Variants in TRPC7 observed in about 807,000 individuals in gnomAD.
TRPC7 encodes short transient receptor potential channel 7.
Under a neutral mutation model 90.1 loss-of-function variants are expected in TRPC7, and 42 were observed. The ratio of observed to expected loss-of-function variants is 0.47; its 90% CI spans 0.36 to 0.60. The LOEUF is 0.60. Among genes scored for constraint, TRPC7 ranks in the 20% least tolerant of loss-of-function variants. The pLI, the probability that TRPC7 is intolerant of heterozygous loss-of-function variation, is 0.00. For missense variants in TRPC7, 955 were observed against 1,112.3 expected (o/e 0.86, Z 2.01); for synonymous variants, 451 against 436.3 (o/e 1.03, Z -0.42).
chr5:136,329,796 G>A (rs913039762), intron 2 of TRPC7, among the ~76,000 whole-genome samples: 2 of 152,188 alleles, frequency 1.3e-5, no homozygotes, highest in Non-Finnish European at 2.9e-5. Flanking sequence ...CCAGGTTAAA[G>A]ATGCTGCTTG....
chr5:136,341,254 A>G (rs1759835622), intron 2 of TRPC7, among the ~76,000 whole-genome samples: 1 of 152,172 alleles, frequency 6.6e-6, no homozygotes, highest in African/African-American at 2.4e-5. Context: ...TGATACATAA[A>G]TTACAGTGCA....
chr5:136,262,052 G>C (rs1177988711), intron 5 of TRPC7, among the ~76,000 whole-genome samples: 1 of 152,134 alleles, frequency 6.6e-6, no homozygotes, highest in Non-Finnish European at 1.5e-5. Flanking sequence ...CCAATTGTAA[G>C]TGTTATTGGT....
chr5:136,245,933 T>C (rs1281446499), intron 7 of TRPC7, among the ~76,000 whole-genome samples: 2 of 152,124 alleles, frequency 1.3e-5, no homozygotes, highest in African/African-American at 4.8e-5. Flanking sequence ...TCAGGAAGTA[T>C]ATTCAGGTCT....
chr5:136,354,964 GTGT>G (rs1182163742), intron 2 of TRPC7, among the ~76,000 whole-genome samples: 7 of 152,176 alleles, frequency 4.6e-5, no homozygotes, highest in African/African-American at 1.4e-4. Flanking sequence ...CCTGAAAAAC[GTGT>G]CCCAGGAGAG....
At chr5:136,226,455 C>G (rs571182284) in intron 8 of TRPC7, 200 bp from the exon 9 acceptor site, 50 of 578,520 alleles carry the variant, frequency 8.6e-5, no homozygotes, top group African/African-American at 8.2e-4. Flanking sequence ...TTCTGCCTGT[C>G]TTCTTTGGAC....
intron 2 of TRPC7, among the ~76,000 whole-genome samples, chr5:136,350,947 C>T (rs577389832): frequency 1.3e-5 from 2 of 152,304 alleles, no homozygotes; most frequent in African/African-American, 4.8e-5. Context: ...CATGACCTTC[C>T]TCCCTACCAA....
At chr5:136,257,444 G>A (rs2149808493) in intron 5 of TRPC7, among the ~76,000 whole-genome samples, 1 of 152,268 alleles carries the variant, frequency 6.6e-6, no homozygotes, top group Admixed American at 6.5e-5. Context: ...GCCTCCCAAA[G>A]TGCTGGGATT....
chr5:136,355,537 G>C (rs752545094), intron 2 of TRPC7, among the ~76,000 whole-genome samples: 1 of 152,174 alleles, frequency 6.6e-6, no homozygotes, highest in African/African-American at 2.4e-5. Context: ...GGTGGCTCAC[G>C]CCTATAATCT....
chr5:136,240,581 G>C (rs746179530), intron 7 of TRPC7, among the ~76,000 whole-genome samples: 1 of 152,214 alleles, frequency 6.6e-6, no homozygotes, highest in East Asian at 1.9e-4. Context: ...ATCGGAGTTA[G>C]TATGCTCTTT....
chr5:136,221,390 G>C (rs568296861), intron 10 of TRPC7, among the ~76,000 whole-genome samples: 4 of 152,340 alleles, frequency 2.6e-5, no homozygotes, highest in Admixed American at 2.0e-4. Flanking sequence ...CATCCGGAGA[G>C]GAAGGCACAC....
chr5:136,297,828 T>A (rs1401070747), intron 3 of TRPC7, among the ~76,000 whole-genome samples: 1 of 152,234 alleles, frequency 6.6e-6, no homozygotes. Flanking sequence ...TGGACTGCTT[T>A]CCTATTCATC....
At position 136,365,278 on chromosome 5, in the gene TRPC7, T is replaced by C. The variant is rs975495152; in HGVS notation, c.-24A>G. The C allele has an allele frequency of 6.5e-7, 1 of 1,537,162 alleles. No homozygotes were observed. Among genetic ancestry groups the C allele is most frequent in the Non-Finnish European group, 8.7e-7 (1 of 1,146,850 alleles). On this transcript the variant is annotated 5_prime_UTR_variant, in exon 1 of 12. Transcript: ENST00000513104. ...ATTGAGGGTGTAATACGCAGGCTTG[T>C]TCCTCCTCTAGATGACCGGAATCCG...
chr5:136,296,204 C>T (rs1236502890), intron 3 of TRPC7, among the ~76,000 whole-genome samples: 1 of 152,090 alleles, frequency 6.6e-6, no homozygotes, highest in Non-Finnish European at 1.5e-5. Context: ...CAGAGGAATG[C>T]ATTTTAAAAT....
At chr5:136,327,915 T>A (rs1366123768) in intron 2 of TRPC7, among the ~76,000 whole-genome samples, 1 of 152,188 alleles carries the variant, frequency 6.6e-6, no homozygotes, top group Non-Finnish European at 1.5e-5. Flanking sequence ...TTTTTATTAA[T>A]TAAAACTGGA....
chr5:136,252,913 T>C (rs890860288), intron 5 of TRPC7, among the ~76,000 whole-genome samples: 1 of 152,214 alleles, frequency 6.6e-6, no homozygotes, highest in African/African-American at 2.4e-5. Flanking sequence ...CTCTAAGCCA[T>C]CCCTGTGAGG....
intron 5 of TRPC7, among the ~76,000 whole-genome samples, chr5:136,257,158 A>G (rs1356187753): frequency 6.6e-6 from 1 of 152,038 alleles, no homozygotes; most frequent in Admixed American, 6.6e-5. Flanking sequence ...GGCCCATGAA[A>G]TAAAAGGATT....
At chr5:136,298,845 A>G (rs1758271179) in intron 3 of TRPC7, among the ~76,000 whole-genome samples, 2 of 152,144 alleles carry the variant, frequency 1.3e-5, no homozygotes, top group African/African-American at 2.4e-5. Context: ...TCACTTGCAA[A>G]AACAAATAAA....
At chr5:136,237,760 T>C (rs1284154438) in intron 7 of TRPC7, among the ~76,000 whole-genome samples, 1 of 151,976 alleles carries the variant, frequency 6.6e-6, no homozygotes, top group Non-Finnish European at 1.5e-5. Context: ...AATTGCTCAA[T>C]TAATGTTACT....
intron 7 of TRPC7, among the ~76,000 whole-genome samples, chr5:136,242,130 G>T (rs1296122515): frequency 2.0e-5 from 3 of 152,186 alleles, no homozygotes; most frequent in East Asian, 3.8e-4. Flanking sequence ...TCTGAACTGA[G>T]AACTTTTCTT....
Sources: gnomAD v4.1 joint callset for allele counts (sites outside exome capture counted in the v4.1 genomes callset) on GRCh38, gnomAD v4.1.1 for gene constraint, MANE v1.5 for transcripts, NCBI Gene and HGNC (gene_info 2026-07-23, HGNC 2026-07-21) for gene names.